Variants in UPK1B observed in about 807,000 individuals in gnomAD.
UPK1B encodes the protein uroplakin-1b.
Under a neutral mutation model 34.2 loss-of-function variants are expected in UPK1B, and 28 were observed. The ratio of observed to expected loss-of-function variants is 0.82; its 90% confidence interval spans 0.61 to 1.12. The LOEUF (loss-of-function observed/expected upper bound fraction) is 1.12. Ranked by LOEUF, UPK1B falls within the 50% of genes most tolerant of loss-of-function variation. The pLI, the probability that UPK1B is intolerant of heterozygous loss-of-function variation, is 0.00. For missense variants in UPK1B, 325 were observed against 320.9 expected, an observed-to-expected ratio of 1.01 and a Z score of -0.10; for synonymous variants, 81 against 110.4, an observed-to-expected ratio of 0.73 and a Z score of 1.67.
chr3:119,203,888 T>A, intron 7 of UPK1B, 29 bp from the exon 8 acceptor site: 1 of 1,610,788 alleles, frequency 6.2e-7, no homozygotes, highest in Non-Finnish European at 8.5e-7. Context: ...AATCCCTTGT[T>A]TATTTTTCCT....
chr3:119,195,160 C>A (rs1201359515), intron 6 of UPK1B, among the ~76,000 whole-genome samples: 1 of 152,164 alleles, frequency 6.6e-6, no homozygotes, highest in East Asian at 1.9e-4. Context: ...AACTCTCTGG[C>A]TTTTGAAACA....
intron 5 of UPK1B, among the ~76,000 whole-genome samples, chr3:119,191,710 G>A (rs1313458846): frequency 6.6e-6 from 1 of 151,972 alleles, no homozygotes; most frequent in Non-Finnish European, 1.5e-5. Flanking sequence ...TGCTTCATTG[G>A]AAATTTGGCT....
intron 5 of UPK1B, among the ~76,000 whole-genome samples, chr3:119,193,264 T>C (rs928659128): frequency 2.0e-5 from 3 of 152,238 alleles, no homozygotes; most frequent in Admixed American, 6.5e-5. Context: ...GACTTAACCA[T>C]TTTTCCCAGA....
intron 3 of UPK1B, among the ~76,000 whole-genome samples, chr3:119,189,293 TG>T (rs1331829351): frequency 1.3e-5 from 2 of 152,212 alleles, no homozygotes; most frequent in African/African-American, 4.8e-5. Flanking sequence ...TATTCTGGGC[TG>T]AGTAGTGAGG....
At chr3:119,198,974 C>A (rs2078078908) in intron 6 of UPK1B, 83 bp from the exon 7 acceptor site, 7 of 1,487,674 alleles carry the variant, frequency 4.7e-6, no homozygotes, top group Non-Finnish European at 6.5e-6. Context: ...AGCATTGATT[C>A]CAATAGGAAC....
At chr3:119,197,740 CA>C (rs1187120818) in intron 6 of UPK1B, among the ~76,000 whole-genome samples, 1 of 152,034 alleles carries the variant, frequency 6.6e-6, no homozygotes, top group Non-Finnish European at 1.5e-5. Context: ...AACATGTTAC[CA>C]AACAAATACA....
At chr3:119,188,815 G>A (rs1162172993) in intron 3 of UPK1B, among the ~76,000 whole-genome samples, 2 of 152,138 alleles carry the variant, frequency 1.3e-5, no homozygotes, top group African/African-American at 2.4e-5. Flanking sequence ...TTCAAATGCT[G>A]CAGGACCTCA....
rs1412636596 is a variant in UPK1B, at chr3:119,179,889, C to A, written c.-29+6251C>A. On this transcript the variant is annotated intron_variant, in intron 1 of 7. Transcript: ENST00000264234. ...TCTCGGCTCATGGCAAACTCCGCCT[C>A]TCCCGTTCAAGCGATTCTCCCGCCT... Among the ~76,000 whole-genome samples, 5 of 132,190 alleles carry A rather than the reference C, an allele frequency of 3.8e-5. 1 individual carries two copies. The highest frequency in any genetic ancestry group is 5.2e-4 in the East Asian group (2 of 3,872). 86.7% of individuals were successfully genotyped at this position (132,190 alleles called of 152,430 possible).
chr3:119,183,035 T>TGAAAAG (rs1267070343), intron 1 of UPK1B, among the ~76,000 whole-genome samples: 1 of 152,172 alleles, frequency 6.6e-6, no homozygotes, highest in Non-Finnish European at 1.5e-5. Context: ...AAAAGCCTAG[T>TGAAAAG]GTTTCTGACC....
intron 1 of UPK1B, among the ~76,000 whole-genome samples, chr3:119,180,531 A>G (rs536361659): frequency 9.8e-5 from 15 of 152,346 alleles, no homozygotes; most frequent in African/African-American, 3.6e-4. Flanking sequence ...TCAAGAAGCT[A>G]TTAACAAAGG....
At chr3:119,195,278 C>T (rs966872216) in intron 6 of UPK1B, among the ~76,000 whole-genome samples, 3 of 152,142 alleles carry the variant, frequency 2.0e-5, no homozygotes, top group African/African-American at 7.2e-5. Context: ...ATCTGCTGAC[C>T]CTGTACACTG....
At chr3:119,197,950 G>A (rs932907394) in intron 6 of UPK1B, among the ~76,000 whole-genome samples, 6 of 152,214 alleles carry the variant, frequency 3.9e-5, no homozygotes, top group Non-Finnish European at 8.8e-5. Context: ...AAGGAGTTGT[G>A]AGTGCAAAGG....
rs1360772585 is a variant in UPK1B, at chr3:119,194,357, G to T, written c.607G>T (p.Glu203Ter). Reference protein sequence around the residue: ...MNNLKEPLNLEACKLGVPGFY... With the variant: ...MNNLKEPLNL ...CAATCTTAAAGAACCTCTCAACCTG[G>T]AGGCTTGTAAACTAGGCGTGCCTGG... Residue 203 changes from glutamate to a stop codon, truncating the protein, a stop_gained, in exon 6 of 8, where the codon GAG (glutamate) becomes TAG (stop). Coordinates refer to ENST00000264234, the MANE Select transcript of UPK1B (RefSeq NM_006952.4). LOFTEE classifies it high-confidence loss of function. 6.2e-7 allele frequency: 1 copy of T among 1,613,586 alleles called. No individual in the cohort carries two copies. The highest frequency in any genetic ancestry group is 2.2e-5 in the East Asian group (1 of 44,862).
At position 119,192,188 on chromosome 3, in the gene UPK1B, C is replaced by A. The variant is rs76654122; in HGVS notation, c.468+1084C>A. Among the ~76,000 whole-genome samples, 76 of 152,274 alleles carry A rather than the reference C, an allele frequency of 5.0e-4. 2 individuals carry two copies. The East Asian group carries it at 0.013, about 27-fold the overall frequency. On this transcript the variant is annotated intron_variant, in intron 5 of 7. Coordinates refer to ENST00000264234, the MANE Select transcript of UPK1B (RefSeq NM_006952.4). ...TTTCATTTATTCTAATATCTCAATT[C>A]TAATAATTTTATTCCATTAGGACCT...
intron 4 of UPK1B, 150 bp from the exon 5 acceptor site, chr3:119,190,832 C>G: frequency 9.0e-7 from 1 of 1,113,566 alleles, no homozygotes; most frequent in Non-Finnish European, 1.3e-6. Context: ...TTATGCCAAC[C>G]TCAGCCAGCT....
intron 6 of UPK1B, among the ~76,000 whole-genome samples, chr3:119,197,251 G>A (rs2078071506): frequency 1.3e-5 from 2 of 152,138 alleles, no homozygotes; most frequent in Non-Finnish European, 2.9e-5. Context: ...GAAATGCTAT[G>A]TGCAAATTGT....
Position 119,204,417 on chromosome 3 carries a change from A to G in UPK1B, c.*450A>G, listed in dbSNP as rs1253296756. On this transcript the variant is annotated 3_prime_UTR_variant, in exon 8 of 8. Transcript: ENST00000264234. ...AGAGAAGTTGGGAAAAGATTACTGA[A>G]ATATACCTTTTGCATTTCTTTCTAG... 1 of 160,908 alleles carries G rather than the reference A, an allele frequency of 6.2e-6. No homozygotes were observed. The highest frequency in any genetic ancestry group is 1.4e-5 in the Non-Finnish European group (1 of 73,348). The allele number at this position is 160,908 out of a possible 1,614,324, so 10.0% of individuals were successfully genotyped here. A position where few individuals can be genotyped will look rare whatever the true frequency, so the allele number is the denominator to read the frequency against.
At chr3:119,191,222 T>C in intron 5 of UPK1B, 118 bp downstream of exon 5, 1 of 1,243,880 alleles carries the variant, frequency 8.0e-7, no homozygotes, top group Non-Finnish European at 1.1e-6. Context: ...AGCTTACATT[T>C]GTTGGAATGA....
intron 5 of UPK1B, among the ~76,000 whole-genome samples, chr3:119,192,797 AG>A (rs1222905228): frequency 2.0e-5 from 3 of 152,108 alleles, no homozygotes; most frequent in African/African-American, 7.2e-5. Flanking sequence ...CTGCCTCATC[AG>A]TTTCTCCCTT....
Sources: gnomAD v4.1 joint callset for allele counts (sites outside exome capture counted in the v4.1 genomes callset) on GRCh38, gnomAD v4.1.1 for gene constraint, MANE v1.5 for transcripts, NCBI Gene and HGNC (gene_info 2026-07-23, HGNC 2026-07-21) for gene names.